SRGAP1: variants seen among roughly 807,000 people sequenced by gnomAD.
The protein encoded by SRGAP1 is SLIT-ROBO Rho GTPase-activating protein 1.
Under a neutral mutation model 121.9 loss-of-function variants are expected in SRGAP1, and 43 were observed. That is an observed-to-expected ratio of 0.35 (90% confidence interval 0.28 to 0.46). The LOEUF (loss-of-function observed/expected upper bound fraction) is 0.46. Among genes scored for constraint, SRGAP1 ranks in the 20% least tolerant of loss-of-function variants. SRGAP1 has a pLI of 1.00. For missense variants in SRGAP1, 1,102 were observed against 1,350.9 expected (o/e 0.82, Z 2.89); for synonymous variants, 447 against 485.4 (o/e 0.92, Z 1.04).
At chr12:64,134,420 CAA>C (rs750862183) in intron 21 of SRGAP1, among the ~76,000 whole-genome samples, 26 of 119,364 alleles carry the variant, frequency 2.2e-4, no homozygotes, top group South Asian at 2.6e-4. Flanking sequence ...GACTCCATCT[CAA>C]AAAAAAAAAA....
In SRGAP1 at chr12:64,148,020, C is replaced by T. The variant is rs1027721701; in HGVS notation, c.*5348C>T. The T allele has an allele frequency of 5.9e-6, 1 of 169,100 alleles. No individual in the cohort carries two copies. The highest frequency in any genetic ancestry group is 2.4e-5 in the African/African-American group (1 of 42,192). 10.5% of individuals were successfully genotyped at this position (169,100 alleles called of 1,614,324 possible). ...GGAAATAGGGTGTCCTGCACAGGGC[C>T]CTGCCCATGAAGCTGTGGTTTTTCA... On this transcript the variant is annotated 3_prime_UTR_variant, in exon 22 of 22. Coordinates refer to ENST00000355086, the MANE Select transcript of SRGAP1 (RefSeq NM_020762.4).
At chr12:63,845,466 C>T (rs1262347986) in intron 1 of SRGAP1, among the ~76,000 whole-genome samples, 1 of 152,130 alleles carries the variant, frequency 6.6e-6, no homozygotes, top group African/African-American at 2.4e-5. Context: ...TCTGACTCTT[C>T]CTTTATAATG....
chr12:64,054,732 GT>G (rs879785051), intron 6 of SRGAP1, among the ~76,000 whole-genome samples: 10 of 147,006 alleles, frequency 6.8e-5, no homozygotes, highest in African/African-American at 1.0e-4. Flanking sequence ...TTTGTTTTAA[GT>G]TTTTTTTTCT....
At chr12:63,997,118 G>GT (rs1302478901) in intron 3 of SRGAP1, among the ~76,000 whole-genome samples, 1 of 152,042 alleles carries the variant, frequency 6.6e-6, no homozygotes, top group African/African-American at 2.4e-5. Context: ...GAAGGCAACT[G>GT]TAACACAATG....
At chr12:64,098,572 A>T (rs1444070004) in intron 15 of SRGAP1, among the ~76,000 whole-genome samples, 4 of 152,116 alleles carry the variant, frequency 2.6e-5, no homozygotes, top group Non-Finnish European at 5.9e-5. Flanking sequence ...TGGGAGGCTG[A>T]AGCAGGAGGA....
chr12:63,865,583 T>A (rs575611142), intron 1 of SRGAP1, among the ~76,000 whole-genome samples: 1 of 152,330 alleles, frequency 6.6e-6, no homozygotes, highest in East Asian at 1.9e-4. Context: ...GTCATTGAGA[T>A]ACTTGAAGAA....
intron 6 of SRGAP1, among the ~76,000 whole-genome samples, chr12:64,048,914 A>G (rs1278015344): frequency 6.6e-6 from 1 of 152,056 alleles, no homozygotes; most frequent in Non-Finnish European, 1.5e-5. Context: ...CTCTTGTCAG[A>G]TTGATAGCTT....
intron 1 of SRGAP1, among the ~76,000 whole-genome samples, chr12:63,976,444 G>A (rs1252554292): frequency 1.3e-5 from 2 of 152,110 alleles, no homozygotes; most frequent in African/African-American, 2.4e-5. Flanking sequence ...GACTCTCACT[G>A]CATCTTGACA....
chr12:64,079,006 A>G lies in SRGAP1; in HGVS notation c.1213A>G (p.Ser405Gly). The part of the protein sequence containing the change: ...DYDVSECFQH[S>G]RSTESVKSTV... ...TGATGTTTCTGAATGCTTCCAGCAC[A>G]GTCGTTCCACAGAATCAGTGAAGTC... Residue 405 changes from serine (S) to glycine (G), a missense_variant, in exon 9 of 22, where the codon AGT becomes GGT. Ser to Gly is a moderately conservative substitution (Grantham distance 56, BLOSUM62 0). This residue lies in a region of SRGAP1 where 747 missense variants were observed against 929.4 expected (regional missense o/e 0.80). Coordinates refer to ENST00000355086, the MANE Select transcript of SRGAP1 (RefSeq NM_020762.4). The G allele has an allele frequency of 6.2e-7, 1 of 1,614,170 alleles. No individual in the cohort carries two copies. The highest frequency in any genetic ancestry group is 1.1e-5 in the South Asian group (1 of 91,086).
At chr12:63,872,090 G>A (rs1899873188) in intron 1 of SRGAP1, 1 of 658,630 alleles carries the variant, frequency 1.5e-6, no homozygotes, top group Non-Finnish European at 2.8e-6. Context: ...ACAAGAAACA[G>A]TGTCCGAGAC....
intron 15 of SRGAP1, 87 bp downstream of exon 15, chr12:64,097,462 C>G: frequency 1.5e-6 from 2 of 1,368,286 alleles, no homozygotes; most frequent in East Asian, 2.3e-5. Context: ...CCTCCATACA[C>G]CCCCACCCCC....
At chr12:64,094,839 C>A in intron 12 of SRGAP1, 93 bp from the exon 13 acceptor site, 1 of 1,224,896 alleles carries the variant, frequency 8.2e-7, no homozygotes, top group Non-Finnish European at 1.2e-6. Context: ...CTGCAAAAAT[C>A]CCTCTTTAAT....
intron 1 of SRGAP1, among the ~76,000 whole-genome samples, chr12:63,969,512 G>A (rs1047002364): frequency 2.0e-5 from 3 of 152,002 alleles, no homozygotes; most frequent in Non-Finnish European, 4.4e-5. Flanking sequence ...CTGAAACATC[G>A]GCCAGGCACA....
intron 1 of SRGAP1, among the ~76,000 whole-genome samples, chr12:63,861,359 G>A (rs943725797): frequency 1.3e-5 from 2 of 150,360 alleles, no homozygotes; most frequent in African/African-American, 2.4e-5. Flanking sequence ...GAGTGCAGTG[G>A]CACATTCTCA....
chr12:64,080,485 T>C, intron 10 of SRGAP1, 115 bp downstream of exon 10: 1 of 924,234 alleles, frequency 1.1e-6, no homozygotes. Context: ...GGACACTCTG[T>C]GTTTAGATTT....
At chr12:64,010,264 T>G (rs2034212622) in intron 3 of SRGAP1, among the ~76,000 whole-genome samples, 1 of 152,170 alleles carries the variant, frequency 6.6e-6, no homozygotes, top group Non-Finnish European at 1.5e-5. Context: ...AAAATACTTC[T>G]GTAAAAGGCC....
At chr12:63,894,843 T>G (rs1001941924) in intron 1 of SRGAP1, among the ~76,000 whole-genome samples, 1 of 152,208 alleles carries the variant, frequency 6.6e-6, no homozygotes, top group African/African-American at 2.4e-5. Context: ...GGTGTATATG[T>G]GCCACATTTT....
intron 4 of SRGAP1, among the ~76,000 whole-genome samples, chr12:64,025,152 T>TAAAAA (rs11286618): frequency 3.0e-5 from 4 of 135,232 alleles, no homozygotes; most frequent in African/African-American, 1.1e-4. Context: ...AACGTTTAAA[T>TAAAAA]AAAAAAAAAA....
intron 6 of SRGAP1, among the ~76,000 whole-genome samples, chr12:64,049,105 A>G (rs1333981614): frequency 1.3e-5 from 2 of 152,192 alleles, no homozygotes; most frequent in Non-Finnish European, 1.5e-5. Context: ...AGTTTCTCCA[A>G]TGTTTTCTTG....
Sources: allele counts gnomAD v4.1 joint callset (sites outside exome capture counted in the v4.1 genomes callset), GRCh38; gene constraint gnomAD v4.1.1; regional missense constraint gnomAD v4.1.1; transcripts MANE v1.5; gene names NCBI Gene and HGNC (gene_info 2026-07-23, HGNC 2026-07-21).